TFEB: variants seen among roughly 807,000 people sequenced by gnomAD.
TFEB encodes the protein T-cell transcription factor EB.
TFEB carries 12 observed loss-of-function variants against 48.0 expected under a neutral mutation model. That is an observed-to-expected ratio of 0.25 (90% CI 0.16 to 0.40). The LOEUF (loss-of-function observed/expected upper bound fraction) is 0.40, where lower values mean the gene tolerates loss of function less well. TFEB is among the 10% of genes least tolerant of loss of function. The pLI is 1.00. For synonymous variants in TFEB, 244 were observed against 261.4 expected (o/e 0.93, Z 0.64); for missense variants, 509 against 640.3 (o/e 0.79, Z 2.21).
chr6:41,723,108 C>G lies in TFEB; in HGVS notation c.-23+12242G>C, dbSNP rs759518790. Among the ~76,000 whole-genome samples, 11 of 152,194 alleles carry G rather than the reference C, an allele frequency of 7.2e-5. No individual in the cohort carries two copies. The highest frequency in any genetic ancestry group is 1.5e-4 in the Non-Finnish European group (10 of 68,030). On this transcript the variant is annotated intron_variant, in intron 1 of 8. Transcript: ENST00000373033. This position sits in a 1 kb window ranked among gnomAD's most constrained non-coding sequence, Gnocchi z 6.0. ...GCCCATCCTGCCCATGACCTTCTCA[C>G]TCGACCCTTGAAATAAGCCTGGAGA... is the stretch of plus-strand genomic sequence containing the variant.
intron 1 of TFEB, chr6:41,733,110 G>A: frequency 1.1e-6 from 1 of 944,506 alleles, no homozygotes. Context: ...GAGGGCTCAG[G>A]GCCAAGAGCT....
upstream of TFEB, chr6:41,735,635 G>C (rs1771651448): frequency 1.1e-6 from 1 of 902,980 alleles, no homozygotes; most frequent in Non-Finnish European, 1.3e-6. Flanking sequence ...GCCCGGCAGA[G>C]GGCAGCACCC....
chr6:41,719,943 TA>T (rs1170563854), intron 1 of TFEB, among the ~76,000 whole-genome samples: 3 of 152,148 alleles, frequency 2.0e-5, no homozygotes, highest in Non-Finnish European at 4.4e-5. Context: ...AATGGGATAA[TA>T]AAAAGACCTG....
chr6:41,686,253 AG>A lies in TFEB; in HGVS notation c.804-17del. The A allele has an allele frequency of 1.2e-6, 2 of 1,613,452 alleles. No homozygotes were observed. Among genetic ancestry groups the A allele is most frequent in the Non-Finnish European group, 1.7e-6 (2 of 1,179,446 alleles). On this transcript the variant is annotated splice_polypyrimidine_tract_variant and intron_variant, in intron 7 of 8. Transcript: ENST00000373033. ...GCGCACGTCCCTGCAGCAGCAGGCC[AG>A]GCAAATTAGAGGTGCATGCTCAGAA... is the stretch of plus-strand genomic sequence containing the variant.
upstream of TFEB, chr6:41,735,642 ACCCGC>A: frequency 5.8e-6 from 5 of 859,788 alleles, no homozygotes; most frequent in Non-Finnish European, 7.0e-6. Context: ...AGAGGGCAGC[ACCCGC>A]CCCGCCTCCC....
At chr6:41,728,819 G>A (rs1005319377) in intron 1 of TFEB, among the ~76,000 whole-genome samples, 4 of 152,136 alleles carry the variant, frequency 2.6e-5, no homozygotes, top group Non-Finnish European at 4.4e-5. Flanking sequence ...GCGCCTTGTG[G>A]ACCTGTGGGC....
At chr6:41,716,352 T>TC (rs1770733531) in intron 1 of TFEB, among the ~76,000 whole-genome samples, 1 of 152,134 alleles carries the variant, frequency 6.6e-6, no homozygotes, top group African/African-American at 2.4e-5. Flanking sequence ...GGGGCTTGCC[T>TC]CCCTCCTCTG....
At chr6:41,690,975 G>A (rs111737478) in intron 2 of TFEB, 26 bp downstream of exon 2, 7 of 1,567,210 alleles carry the variant, frequency 4.5e-6, no homozygotes, top group African/African-American at 1.3e-5. Context: ...GGGACAGGGT[G>A]GGGGGCAGGC....
At chr6:41,697,274 G>A (rs1000086416) in intron 1 of TFEB, among the ~76,000 whole-genome samples, 1 of 151,812 alleles carries the variant, frequency 6.6e-6, no homozygotes, top group African/African-American at 2.4e-5. Context: ...CAGGTGTGGT[G>A]GCACATGCCT....
chr6:41,713,590 G>A (rs867022057), intron 1 of TFEB, among the ~76,000 whole-genome samples: 3 of 152,146 alleles, frequency 2.0e-5, no homozygotes, highest in Admixed American at 6.5e-5. Flanking sequence ...AGGGAGAAAC[G>A]CGGTCTGAGG....
At chr6:41,697,503 ACC>A (rs11414992) in intron 1 of TFEB, among the ~76,000 whole-genome samples, 1 of 129,350 alleles carries the variant, frequency 7.7e-6, no homozygotes, top group Non-Finnish European at 1.6e-5. Context: ...CCTTCTCCAA[ACC>A]CCCCCCCTTC....
chr6:41,724,327 G>A lies in TFEB; in HGVS notation c.-23+11023C>T, dbSNP rs1184286854. ...AAGAAAGGTTAAGCTATTATCGGTC[G>A]TCTGCGTCTCAGGGTGGATGAGTTT... On this transcript the variant is annotated intron_variant, in intron 1 of 8. Transcript: ENST00000373033. This position sits in a 1 kb window ranked among gnomAD's most constrained non-coding sequence, Gnocchi z 4.4. Among the ~76,000 whole-genome samples, 1 of 152,166 alleles carries A rather than the reference G, an allele frequency of 6.6e-6. No individual in the cohort carries two copies. Among genetic ancestry groups the A allele is most frequent in the African/African-American group, 2.4e-5 (1 of 41,426 alleles).
chr6:41,730,627 G>C lies in TFEB; in HGVS notation c.-23+4723C>G, dbSNP rs930654459. Among the ~76,000 whole-genome samples, 3 of 152,178 alleles carry C rather than the reference G, an allele frequency of 2.0e-5. No individual in the cohort carries two copies. The highest frequency in any genetic ancestry group is 2.1e-4 in the South Asian group (1 of 4,830). On this transcript the variant is annotated intron_variant, in intron 1 of 8. Coordinates refer to ENST00000373033, the MANE Select transcript of TFEB (RefSeq NM_001271944.2). This position sits in a 1 kb window ranked among gnomAD's most constrained non-coding sequence, Gnocchi z 4.1. ...TCTGCTCCTCTTGGCTCTCACCCAC[G>C]GCTTTGCCATTTCACAGCAAAGCAT...
intron 1 of TFEB, chr6:41,705,621 C>T (rs1770172415): frequency 6.6e-6 from 1 of 152,480 alleles, no homozygotes; most frequent in Non-Finnish European, 1.5e-5. Context: ...CACCCATTTT[C>T]AGCTCAGAAA....
At chr6:41,706,992 G>C (rs561392914) in intron 1 of TFEB, among the ~76,000 whole-genome samples, 1 of 152,224 alleles carries the variant, frequency 6.6e-6, no homozygotes, top group African/African-American at 2.4e-5. Flanking sequence ...AGGAGCATCG[G>C]GAAGTCTGCT....
At chr6:41,715,753 C>T (rs1002183606) in intron 1 of TFEB, among the ~76,000 whole-genome samples, 1 of 151,994 alleles carries the variant, frequency 6.6e-6, no homozygotes, top group African/African-American at 2.4e-5. Context: ...ACGTACATCA[C>T]GCCTATGACC....
chr6:41,729,521 C>T (rs895412382), intron 1 of TFEB, among the ~76,000 whole-genome samples: 4 of 152,334 alleles, frequency 2.6e-5, no homozygotes, highest in Middle Eastern at 6.8e-3. Flanking sequence ...AACACCTCCC[C>T]AATTATTGCA....
rs1581881848 is a variant in TFEB, at chr6:41,691,560, T to C, written c.-22-325A>G. ...CCTGATCCTGTTAGATCCGACCTCA[T>C]ATCCACCCTCCTTTGCTGCCACAAG... is the stretch of plus-strand genomic sequence containing the variant. On this transcript the variant is annotated intron_variant, in intron 1 of 8. Coordinates refer to ENST00000373033, the MANE Select transcript of TFEB (RefSeq NM_001271944.2). The surrounding 1 kb of genome is among the most constrained non-coding windows in gnomAD (Gnocchi z 5.2). 1.9e-6 allele frequency: 1 copy of C among 531,572 alleles called. No individual in the cohort carries two copies. The highest frequency in any genetic ancestry group is 3.5e-6 in the Non-Finnish European group (1 of 285,778). The allele number at this position is 531,572 out of a possible 1,614,324, so 32.9% of individuals were successfully genotyped here. A position where few individuals can be genotyped will look rare whatever the true frequency, so the allele number is the denominator to read the frequency against.
Position 41,710,525 on chromosome 6 carries a change from T to C in TFEB, c.-22-19290A>G, listed in dbSNP as rs1770430376. ...AAGAGCAGAGAGGATTTATTGTCTTTGGAGAAATGAAGAAAGAAAATATTC... is the reference window on the plus strand; with the variant it reads ...AAGAGCAGAGAGGATTTATTGTCTTCGGAGAAATGAAGAAAGAAAATATTC... On this transcript the variant is annotated intron_variant, in intron 1 of 8. Coordinates refer to ENST00000373033, the MANE Select transcript of TFEB (RefSeq NM_001271944.2). 2.0e-5 allele frequency among the ~76,000 whole-genome samples: 3 copies of C among 152,314 alleles called. No homozygotes were observed. In the South Asian group the frequency reaches 6.2e-4, roughly 32 times the overall value.
Sources: allele counts gnomAD v4.1 joint callset (sites outside exome capture counted in the v4.1 genomes callset), GRCh38; gene constraint gnomAD v4.1.1; non-coding constraint Gnocchi (gnomAD v3.1); transcripts MANE v1.5; gene names NCBI Gene and HGNC (gene_info 2026-07-23, HGNC 2026-07-21).